TRAPPC3L: variants seen among roughly 807,000 people sequenced by gnomAD.
TRAPPC3L encodes trafficking protein particle complex subunit 3-like protein.
A neutral mutation model predicts 23.7 loss-of-function variants in TRAPPC3L; 23 were observed. That is an observed-to-expected ratio of 0.97 (90% CI 0.70 to 1.37). The LOEUF (loss-of-function observed/expected upper bound fraction) is 1.37. Among genes scored for constraint, TRAPPC3L ranks in the 40% most tolerant of loss-of-function variants. The pLI, the probability that TRAPPC3L is intolerant of heterozygous loss-of-function variation, is 0.00. For synonymous variants in TRAPPC3L, 81 were observed against 77.9 expected, an observed-to-expected ratio of 1.04 and a Z score of -0.21; for missense variants, 212 against 216.8, an observed-to-expected ratio of 0.98 and a Z score of 0.14.
chr6:116,517,945 A>G (rs991291258), intron 3 of TRAPPC3L: 5 of 152,226 alleles, frequency 3.3e-5, no homozygotes, highest in African/African-American at 9.6e-5. Flanking sequence ...GAGCTTCTGC[A>G]TTGCTCAATA....
chr6:116,545,466 A>C lies in TRAPPC3L; in HGVS notation c.42+7T>G. The C allele has an allele frequency of 6.5e-7, 1 of 1,543,740 alleles. No homozygotes were observed. Among genetic ancestry groups the C allele is most frequent in the Non-Finnish European group, 8.8e-7 (1 of 1,142,628 alleles). Reference sequence around the variant, plus strand: ...GTAGAAAAAATCTCTTTGTAGAAAGATCTTACTATTTTATGGTATTCTGGT... The same window carrying C: ...GTAGAAAAAATCTCTTTGTAGAAAGCTCTTACTATTTTATGGTATTCTGGT... On this transcript the variant is annotated splice_region_variant and intron_variant, in intron 1 of 4. Transcript: ENST00000368602.
chr6:116,505,581 A>G (rs527833545), intron 3 of TRAPPC3L, among the ~76,000 whole-genome samples: 1 of 152,326 alleles, frequency 6.6e-6, no homozygotes, highest in East Asian at 1.9e-4. Context: ...AGCAAAAAGA[A>G]CAAAGCTGGA....
In TRAPPC3L at chr6:116,531,483, A is replaced by G. The variant is rs536047820; in HGVS notation, c.240+8880T>C. ...GCACAGGACTGAAGTAGAGAACCAC[A>G]AAGACTTGCTGCTGAGGGTTCAAGA... On this transcript the variant is annotated intron_variant, in intron 3 of 4. Coordinates refer to ENST00000368602, the MANE Select transcript of TRAPPC3L (RefSeq NM_001139444.3). Among the ~76,000 whole-genome samples, 95 of 152,288 alleles carry G rather than the reference A, an allele frequency of 6.2e-4. 1 individual carries two copies. Among genetic ancestry groups the G allele is most frequent in the African/African-American group, 2.2e-3 (92 of 41,546 alleles).
rs527564253 is a variant in TRAPPC3L, at chr6:116,529,964, A to G, written c.240+10399T>C. On this transcript the variant is annotated intron_variant, in intron 3 of 4. Transcript: ENST00000368602. ...TTACATATTCATCCTAGTAAAAGAA[A>G]GAACATTCAGAGGACAGGAAAAAAA... 2.6e-3 allele frequency among the ~76,000 whole-genome samples: 400 copies of G among 152,320 alleles called. 1 individual carries two copies. Among genetic ancestry groups the G allele is most frequent in the Non-Finnish European group, 4.1e-3 (276 of 68,012 alleles).
At chr6:116,524,481 G>A (rs1562343878) in intron 3 of TRAPPC3L, 1 of 152,132 alleles carries the variant, frequency 6.6e-6, no homozygotes, top group Non-Finnish European at 1.5e-5. Flanking sequence ...TCGAATTGAA[G>A]GACAGCTTGT....
At chr6:116,543,525 C>T in intron 1 of TRAPPC3L, 125 bp from the exon 2 acceptor site, 1 of 804,766 alleles carries the variant, frequency 1.2e-6, no homozygotes, top group Admixed American at 3.2e-5. Flanking sequence ...TTCCTTCCTC[C>T]TATTATTGCA....
At chr6:116,516,310 T>C (rs1307601509) in intron 3 of TRAPPC3L, 1 of 204,796 alleles carries the variant, frequency 4.9e-6, no homozygotes, top group Non-Finnish European at 9.8e-6. Flanking sequence ...TAAATATTGG[T>C]TGCAGAATTT....
intron 3 of TRAPPC3L, among the ~76,000 whole-genome samples, chr6:116,536,771 T>C (rs1773122889): frequency 6.6e-6 from 1 of 152,104 alleles, no homozygotes; most frequent in African/African-American, 2.4e-5. Context: ...AGCCATTAGG[T>C]TCTATTCTTG....
In TRAPPC3L at chr6:116,537,298, GGGATATTT is replaced by G. The variant is rs954738040; in HGVS notation, c.240+3057_240+3064del. Among the ~76,000 whole-genome samples, 10 of 152,284 alleles carry G rather than the reference GGGATATTT, an allele frequency of 6.6e-5. 1 individual carries two copies. The highest frequency in any genetic ancestry group is 2.2e-4 in the African/African-American group (9 of 41,558). ...GATAAGACATGAAAATCTTAGAGAA[GGGATATTT>G]GGAAAGCAGATGTTGTACATTTTTC... On this transcript the variant is annotated intron_variant, in intron 3 of 4. Coordinates refer to ENST00000368602, the MANE Select transcript of TRAPPC3L (RefSeq NM_001139444.3).
intron 3 of TRAPPC3L, among the ~76,000 whole-genome samples, chr6:116,539,933 A>T (rs1194759458): frequency 2.6e-5 from 4 of 152,202 alleles, no homozygotes; most frequent in Non-Finnish European, 5.9e-5. Flanking sequence ...ATTTACAGGA[A>T]GTTCTGTTTT....
At chr6:116,501,600 G>A (rs1475825053) in intron 3 of TRAPPC3L, among the ~76,000 whole-genome samples, 1 of 152,196 alleles carries the variant, frequency 6.6e-6, no homozygotes, top group African/African-American at 2.4e-5. Flanking sequence ...CTGACTGGGA[G>A]ACATCTCCCC....
chr6:116,511,513 A>G (rs1772117590), intron 3 of TRAPPC3L: 1 of 590,860 alleles, frequency 1.7e-6, no homozygotes, highest in Non-Finnish European at 2.9e-6. Flanking sequence ...CACCAGTAGG[A>G]GGCATTATCT....
At chr6:116,516,034 T>G (rs1287944114) in intron 3 of TRAPPC3L, 2 of 1,530,968 alleles carry the variant, frequency 1.3e-6, no homozygotes, top group Non-Finnish European at 1.8e-6. Flanking sequence ...GCATGCTCAT[T>G]CTGTGATCCT....
chr6:116,502,220 T>C (rs1196552522), intron 3 of TRAPPC3L, among the ~76,000 whole-genome samples: 1 of 152,092 alleles, frequency 6.6e-6, no homozygotes, highest in Non-Finnish European at 1.5e-5. Flanking sequence ...AAGAACTTCA[T>C]GAAGCATACA....
In TRAPPC3L at chr6:116,543,390, A is replaced by C; in HGVS notation, c.53T>G (p.Leu18Arg). The change falls in exon 2 of 5, where the codon CTC (leucine) becomes CGC (arginine). Residue 18 changes from leucine to arginine, a missense_variant. By Grantham distance (102) the Leu-to-Arg change is moderately radical. Coordinates refer to ENST00000368602, the MANE Select transcript of TRAPPC3L (RefSeq NM_001139444.3). ...CAGAGCTCCATAGGTAAGGACAAAGAGATCTTTATTCTGGAGAAAAAGGGG... is the reference window on the plus strand; with the variant it reads ...CAGAGCTCCATAGGTAAGGACAAAGCGATCTTTATTCTGGAGAAAAAGGGG... ...RPEYHKINKD[L>R]FVLTYGALVA... 6.5e-7 allele frequency: 1 copy of C among 1,549,256 alleles called. No homozygotes were observed. The highest frequency in any genetic ancestry group is 1.2e-5 in the South Asian group (1 of 83,846).
intron 3 of TRAPPC3L, among the ~76,000 whole-genome samples, chr6:116,502,704 G>A (rs1301424826): frequency 6.6e-6 from 1 of 152,244 alleles, no homozygotes; most frequent in Non-Finnish European, 1.5e-5. Flanking sequence ...AGCCAGAAGA[G>A]AGTGGGGGCC....
chr6:116,501,741 G>A (rs1034894768), intron 3 of TRAPPC3L, among the ~76,000 whole-genome samples: 3 of 152,186 alleles, frequency 2.0e-5, no homozygotes, highest in Non-Finnish European at 4.4e-5. Context: ...AGAGTCTGGA[G>A]TGGACCTCCA....
At chr6:116,540,243 T>C (rs762378524) in intron 3 of TRAPPC3L, 120 bp downstream of exon 3, 33 of 911,908 alleles carry the variant, frequency 3.6e-5, no homozygotes, top group Non-Finnish European at 5.3e-5. Context: ...CAGAATCTCC[T>C]TTCTCAGCAC....
chr6:116,534,118 T>C (rs79535159), intron 3 of TRAPPC3L, among the ~76,000 whole-genome samples: 118 of 149,024 alleles, frequency 7.9e-4, no homozygotes, highest in African/African-American at 2.0e-3. Flanking sequence ...GTTTTTTTTT[T>C]CCCCTTTCTC....
Sources: allele counts gnomAD v4.1 joint callset (sites outside exome capture counted in the v4.1 genomes callset), GRCh38; gene constraint gnomAD v4.1.1; transcripts MANE v1.5; gene names NCBI Gene and HGNC (gene_info 2026-07-23, HGNC 2026-07-21).